Variants in MSRA observed in about 807,000 individuals in gnomAD.
MSRA encodes mitochondrial peptide methionine sulfoxide reductase.
In MSRA, 54 loss-of-function variants were observed where a neutral mutation model predicts 31.3. The ratio of observed to expected loss-of-function variants is 1.73; its 90% CI spans 1.39 to 2.17. MSRA has a LOEUF of 2.17. MSRA is among the 30% of genes most tolerant of loss of function. The pLI is 0.00. For synonymous variants in MSRA, 169 were observed against 116.5 expected, an observed-to-expected ratio of 1.45 and a Z score of -2.90; for missense variants, 507 against 300.9, an observed-to-expected ratio of 1.69 and a Z score of -5.07.
rs553250472 is a variant in MSRA at position 10,163,038 on chromosome 8, C to G, written c.143-44795C>G. Among the ~76,000 whole-genome samples, 55 of 152,012 alleles carry G rather than the reference C, an allele frequency of 3.6e-4. 1 individual carries two copies. Among genetic ancestry groups the G allele is most frequent in the Non-Finnish European group, 6.3e-4 (43 of 68,018 alleles). ...GGTGATTTGTTACGAGAGTGCGACC[C>G]TCATGAATGGGACCAAGAGCCTTAG... On this transcript the variant is annotated intron_variant, in intron 1 of 5. Transcript: ENST00000317173.
intron 1 of MSRA, among the ~76,000 whole-genome samples, chr8:10,195,921 T>C (rs1243463534): frequency 1.3e-5 from 2 of 152,202 alleles, no homozygotes; most frequent in Non-Finnish European, 2.9e-5. Flanking sequence ...CAGGCCTGCT[T>C]TGTAAAGCTG....
At position 10,214,449 on chromosome 8, in the gene MSRA, C is replaced by T. The variant is rs192465715; in HGVS notation, c.211+6548C>T. 7.6e-4 allele frequency among the ~76,000 whole-genome samples: 116 copies of T among 152,176 alleles called. 1 individual carries two copies. In the East Asian group the frequency reaches 0.021, roughly 27 times the overall value. Reference sequence around the variant, plus strand: ...CCAAGAAAACAACATTGGAAGCAGCCGGCAATATGTCAGACTTCAAAGGGA... The same window carrying T: ...CCAAGAAAACAACATTGGAAGCAGCTGGCAATATGTCAGACTTCAAAGGGA... On this transcript the variant is annotated intron_variant, in intron 2 of 5. Coordinates refer to ENST00000317173, the MANE Select transcript of MSRA (RefSeq NM_012331.5).
At chr8:10,207,950 T>G (rs1476550435) in intron 2 of MSRA, 49 bp downstream of exon 2, 1 of 1,491,210 alleles carries the variant, frequency 6.7e-7, no homozygotes, top group Non-Finnish European at 9.2e-7. Flanking sequence ...CAAAGACTAG[T>G]GCCAAATTTC....
At chr8:10,426,253 G>C (rs568851346) in intron 5 of MSRA, among the ~76,000 whole-genome samples, 4 of 152,116 alleles carry the variant, frequency 2.6e-5, no homozygotes, top group Non-Finnish European at 5.9e-5. Context: ...TGTGAGCTGG[G>C]GCCCGGTCAT....
At chr8:10,289,450 T>C (rs1800115524) in intron 3 of MSRA, among the ~76,000 whole-genome samples, 1 of 152,162 alleles carries the variant, frequency 6.6e-6, no homozygotes. Flanking sequence ...GGATGCAGTG[T>C]GTAGGAATCA....
chr8:10,357,579 C>G (rs1223402047), intron 5 of MSRA, among the ~76,000 whole-genome samples: 1 of 152,218 alleles, frequency 6.6e-6, no homozygotes, highest in African/African-American at 2.4e-5. Flanking sequence ...ACTTCAGGAG[C>G]TTTCCTATCT....
chr8:10,238,251 G>T (rs933578777), intron 2 of MSRA, among the ~76,000 whole-genome samples: 8 of 152,158 alleles, frequency 5.3e-5, no homozygotes, highest in East Asian at 3.9e-4. Flanking sequence ...CCATGGCTTT[G>T]TTTGCAGTCA....
intron 5 of MSRA, among the ~76,000 whole-genome samples, chr8:10,347,519 C>G (rs995181893): frequency 6.6e-6 from 1 of 152,174 alleles, no homozygotes; most frequent in Admixed American, 6.5e-5. Flanking sequence ...CATTTCTGTC[C>G]CATTTCTTTT....
At chr8:10,363,673 G>A (rs1345193574) in intron 5 of MSRA, among the ~76,000 whole-genome samples, 1 of 151,022 alleles carries the variant, frequency 6.6e-6, no homozygotes, top group African/African-American at 2.4e-5. Flanking sequence ...AACACACAGG[G>A]GTGGGTGGAT....
chr8:10,279,642 C>G (rs2952255), intron 3 of MSRA, among the ~76,000 whole-genome samples: 2 of 151,992 alleles, frequency 1.3e-5, no homozygotes, highest in Admixed American at 6.5e-5. Context: ...TAAGTAGTTA[C>G]AAAATGGTTG....
intron 1 of MSRA, among the ~76,000 whole-genome samples, chr8:10,104,382 C>T (rs1799738484): frequency 1.3e-5 from 2 of 152,138 alleles, no homozygotes; most frequent in Non-Finnish European, 2.9e-5. Flanking sequence ...GACATGTGCC[C>T]AGGGTGATGG....
intron 1 of MSRA, among the ~76,000 whole-genome samples, chr8:10,079,766 C>T (rs1367367739): frequency 1.3e-5 from 2 of 152,176 alleles, no homozygotes; most frequent in African/African-American, 2.4e-5. Flanking sequence ...TGGGCTTCTT[C>T]TCTTATCAGA....
chr8:10,236,763 C>G (rs1285500816), intron 2 of MSRA, among the ~76,000 whole-genome samples: 1 of 152,156 alleles, frequency 6.6e-6, no homozygotes, highest in Non-Finnish European at 1.5e-5. Flanking sequence ...CCAGGCTGGT[C>G]TTGAACTCCT....
chr8:10,260,461 A>T (rs536394782), intron 3 of MSRA, among the ~76,000 whole-genome samples: 1 of 152,332 alleles, frequency 6.6e-6, no homozygotes, highest in South Asian at 2.1e-4. Flanking sequence ...CTAGCGGCAC[A>T]CGTACACAAG....
At chr8:10,084,146 G>C (rs1261040239) in intron 1 of MSRA, among the ~76,000 whole-genome samples, 1 of 152,252 alleles carries the variant, frequency 6.6e-6, no homozygotes, top group African/African-American at 2.4e-5. Context: ...GCTGGTTATG[G>C]AGTACTCTCC....
chr8:10,399,820 G>C (rs1807332523), intron 5 of MSRA, among the ~76,000 whole-genome samples: 1 of 152,144 alleles, frequency 6.6e-6, no homozygotes, highest in Non-Finnish European at 1.5e-5. Flanking sequence ...TGCTGTTATT[G>C]CTGTCACTAA....
chr8:10,332,186 C>T (rs1477782019), intron 5 of MSRA, among the ~76,000 whole-genome samples: 1 of 152,182 alleles, frequency 6.6e-6, no homozygotes, highest in Non-Finnish European at 1.5e-5. Flanking sequence ...GTTGTATTCT[C>T]TATGCTGCAA....
chr8:10,277,124 T>A (rs1799360954), intron 3 of MSRA, among the ~76,000 whole-genome samples: 1 of 152,230 alleles, frequency 6.6e-6, no homozygotes, highest in Non-Finnish European at 1.5e-5. Context: ...AATTAGGACG[T>A]GTTTTAAAAA....
At chr8:10,393,501 C>T (rs907187378) in intron 5 of MSRA, among the ~76,000 whole-genome samples, 4 of 152,228 alleles carry the variant, frequency 2.6e-5, no homozygotes, top group South Asian at 2.1e-4. Flanking sequence ...CAGCATGTGA[C>T]GGTGTTTGCT....
Sources: allele counts gnomAD v4.1 joint callset (sites outside exome capture counted in the v4.1 genomes callset), GRCh38; gene constraint gnomAD v4.1.1; transcripts MANE v1.5; gene names NCBI Gene and HGNC (gene_info 2026-07-23, HGNC 2026-07-21).